Variants in SRRM3 observed in about 807,000 individuals in gnomAD.
SRRM3 encodes the protein serine/arginine repetitive matrix protein 3.
A neutral mutation model predicts 66.2 loss-of-function variants in SRRM3; 27 were observed. The ratio of observed to expected loss-of-function variants is 0.41; its 90% CI spans 0.30 to 0.56. The LOEUF (loss-of-function observed/expected upper bound fraction) is 0.56, where lower values mean the gene tolerates loss of function less well. Among genes scored for constraint, SRRM3 ranks in the 20% least tolerant of loss-of-function variants. SRRM3 has a pLI of 0.32. For missense variants in SRRM3, 918 were observed against 991.9 expected (o/e 0.93, Z 1.00); for synonymous variants, 391 against 414.9 (o/e 0.94, Z 0.70).
At chr7:76,250,566 A>G (rs567255648) in intron 3 of SRRM3, among the ~76,000 whole-genome samples, 1 of 152,248 alleles carries the variant, frequency 6.6e-6, no homozygotes, top group Admixed American at 6.5e-5. Context: ...GCACTGTAGG[A>G]ACAGACAGAC....
intron 1 of SRRM3, among the ~76,000 whole-genome samples, chr7:76,205,518 T>C (rs1291586079): frequency 6.6e-6 from 1 of 152,190 alleles, no homozygotes; most frequent in Admixed American, 6.5e-5. Context: ...CCATGCCTCC[T>C]CTCTTTACAA....
intron 1 of SRRM3, among the ~76,000 whole-genome samples, chr7:76,203,702 A>T (rs1424784172): frequency 6.6e-6 from 1 of 152,156 alleles, no homozygotes; most frequent in East Asian, 1.9e-4. Context: ...GGAAGGCATC[A>T]TTGTCCCTAT....
chr7:76,270,395 G>T (rs1211177066), intron 11 of SRRM3, among the ~76,000 whole-genome samples: 1 of 152,142 alleles, frequency 6.6e-6, no homozygotes, highest in Non-Finnish European at 1.5e-5. Flanking sequence ...TCCATCTTGG[G>T]CTGGGCACAG....
At chr7:76,273,198 T>TA (rs1194705052) in intron 11 of SRRM3, 1 of 152,384 alleles carries the variant, frequency 6.6e-6, no homozygotes, top group East Asian at 1.9e-4. Context: ...TGTCTCTCTG[T>TA]CTGCCTCCTG....
chr7:76,266,664 A>G (rs1288330666), intron 10 of SRRM3, among the ~76,000 whole-genome samples: 2 of 132,312 alleles, frequency 1.5e-5, no homozygotes, highest in Non-Finnish European at 1.5e-5. Flanking sequence ...ATATTATTAT[A>G]TATATTTATA....
chr7:76,249,860 G>C (rs777531445), intron 3 of SRRM3, among the ~76,000 whole-genome samples: 19 of 151,970 alleles, frequency 1.3e-4, no homozygotes, highest in Non-Finnish European at 2.1e-4. Flanking sequence ...GTGAGATTCT[G>C]TTTCAAAAAA....
intron 11 of SRRM3, chr7:76,267,948 C>G (rs1554610048): frequency 6.8e-6 from 1 of 146,022 alleles, no homozygotes; most frequent in Non-Finnish European, 1.5e-5. Context: ...TTCTCCCCAG[C>G]CCCTCCCTCC....
chr7:76,202,579 G>T (rs992004097), intron 1 of SRRM3, among the ~76,000 whole-genome samples: 1 of 152,172 alleles, frequency 6.6e-6, no homozygotes, highest in African/African-American at 2.4e-5. Context: ...GGAGAACTGG[G>T]TCTCACAGGA....
intron 12 of SRRM3, among the ~76,000 whole-genome samples, chr7:76,282,186 C>A (rs1554612020): frequency 6.7e-6 from 1 of 150,254 alleles, no homozygotes; most frequent in Non-Finnish European, 1.5e-5. Context: ...CCTCCACTGA[C>A]CTCCAAACTC....
At chr7:76,267,168 T>TTCCCCA in intron 10 of SRRM3, 90 bp from the exon 11 acceptor site, 1 of 1,229,964 alleles carries the variant, frequency 8.1e-7, no homozygotes, top group Non-Finnish European at 1.1e-6. Context: ...TCTTTCCCCG[T>TTCCCCA]GCTGGGGAAG....
At position 76,267,439 on chromosome 7, in the gene SRRM3, C is replaced by T. The variant is rs1043333975; in HGVS notation, c.1008+4C>T. 7.4e-7 allele frequency: 1 copy of T among 1,345,274 alleles called. No individual in the cohort carries two copies. Among genetic ancestry groups the T allele is most frequent in the Non-Finnish European group, 9.5e-7 (1 of 1,053,056 alleles). The allele number at this position is 1,345,274 out of a possible 1,614,324, so 83.3% of individuals were successfully genotyped here. A position where few individuals can be genotyped will look rare whatever the true frequency, so the allele number is the denominator to read the frequency against. On this transcript the variant is annotated splice_donor_region_variant and intron_variant, in intron 11 of 14. Coordinates refer to ENST00000611745, the MANE Select transcript of SRRM3 (RefSeq NM_001110199.3). Reference sequence around the variant, plus strand: ...CTCGGCGCACAGCCCGCCCGATGTACGTACGCTTCGCTTTGCGGAGGGTTC... The same window carrying T: ...CTCGGCGCACAGCCCGCCCGATGTATGTACGCTTCGCTTTGCGGAGGGTTC...
Position 76,286,253 on chromosome 7 carries a change from G to T in SRRM3, c.*410G>T. ...GCCAGGGACACCTTGCAAGGTGCCA[G>T]CCCTGGGAGCCCCTCTTCCGCACTA... On this transcript the variant is annotated 3_prime_UTR_variant, in exon 15 of 15. Transcript: ENST00000611745. The T allele has an allele frequency of 4.4e-6, 1 of 225,408 alleles. No individual in the cohort carries two copies. The highest frequency in any genetic ancestry group is 9.5e-6 in the Non-Finnish European group (1 of 105,696). The allele number at this position is 225,408 out of a possible 1,614,324, so 14.0% of individuals were successfully genotyped here.
At chr7:76,256,073 G>A (rs1554607652) in intron 3 of SRRM3, among the ~76,000 whole-genome samples, 1 of 152,140 alleles carries the variant, frequency 6.6e-6, no homozygotes, top group African/African-American at 2.4e-5. Flanking sequence ...ATTCAAACCT[G>A]TCTCTGTGAA....
intron 3 of SRRM3, among the ~76,000 whole-genome samples, chr7:76,253,997 A>G (rs1554607310): frequency 1.3e-5 from 2 of 151,848 alleles, no homozygotes; most frequent in African/African-American, 4.8e-5. Context: ...CTGCTCCTCT[A>G]CCCTGTGCTC....
intron 1 of SRRM3, among the ~76,000 whole-genome samples, chr7:76,224,763 T>C (rs571411251): frequency 2.6e-5 from 4 of 152,280 alleles, no homozygotes; most frequent in Non-Finnish European, 4.4e-5. Flanking sequence ...GAGAGGTTTG[T>C]CACTGTGGCC....
At chr7:76,233,444 C>T (rs1801061926) in intron 1 of SRRM3, among the ~76,000 whole-genome samples, 1 of 152,170 alleles carries the variant, frequency 6.6e-6, no homozygotes, top group African/African-American at 2.4e-5. Flanking sequence ...AGAGGGGTCA[C>T]CCATGAGCCA....
chr7:76,223,580 C>T (rs1800775844), intron 1 of SRRM3, among the ~76,000 whole-genome samples: 1 of 152,142 alleles, frequency 6.6e-6, no homozygotes, highest in Non-Finnish European at 1.5e-5. Context: ...ACTTAAGGAC[C>T]TGGTTTCATG....
At chr7:76,257,443 TAAAAAAAAAAAA>T (rs34478728) in intron 3 of SRRM3, among the ~76,000 whole-genome samples, 3 of 95,272 alleles carry the variant, frequency 3.1e-5, no homozygotes, top group Non-Finnish European at 6.0e-5. Flanking sequence ...CTTGTTCAAT[TAAAAAAAAAAAA>T]AAAAAAAAAA....
chr7:76,209,860 G>A (rs1800386922), intron 1 of SRRM3, among the ~76,000 whole-genome samples: 1 of 152,144 alleles, frequency 6.6e-6, no homozygotes, highest in South Asian at 2.1e-4. Context: ...CCCATCTCGG[G>A]CTCTCAAAGT....
Sources: allele counts gnomAD v4.1 joint callset (sites outside exome capture counted in the v4.1 genomes callset), GRCh38; gene constraint gnomAD v4.1.1; transcripts MANE v1.5; gene names NCBI Gene and HGNC (gene_info 2026-07-23, HGNC 2026-07-21).